The following PCDHGA2 variants were observed in gnomAD, a reference collection of about 807,000 sequenced individuals.
PCDHGA2 encodes protocadherin gamma subfamily A, 2.
Under a neutral mutation model 59.2 loss-of-function variants are expected in PCDHGA2, and 40 were observed. That is an observed-to-expected ratio of 0.68 (90% CI 0.52 to 0.88). The LOEUF is 0.88. Ranked by LOEUF, PCDHGA2 falls within the 40% of genes least tolerant of loss-of-function variation. PCDHGA2 has a pLI of 0.00. For missense variants in PCDHGA2, 1,226 were observed against 1,204.0 expected, an observed-to-expected ratio of 1.02 and a Z score of -0.27; for synonymous variants, 560 against 526.0, an observed-to-expected ratio of 1.06 and a Z score of -0.89.
chr5:141,510,209 G>T (rs1294961681), intron 3 of PCDHGA2, among the ~76,000 whole-genome samples: 12 of 151,440 alleles, frequency 7.9e-5, no homozygotes, highest in African/African-American at 2.9e-4. Flanking sequence ...GGAGGCAGAG[G>T]TTGCAGTGAG....
chr5:141,382,013 G>A (rs1000379234), intron 1 of PCDHGA2, among the ~76,000 whole-genome samples: 1 of 151,580 alleles, frequency 6.6e-6, no homozygotes, highest in Non-Finnish European at 1.5e-5. Context: ...ATTTTTAGTA[G>A]AGACGGGGTT....
chr5:141,364,966 C>T (rs1325168008), intron 1 of PCDHGA2: 1 of 1,613,938 alleles, frequency 6.2e-7, no homozygotes, highest in South Asian at 1.1e-5. Context: ...ACCTCCTCCT[C>T]ACAGCTTTAG....
At chr5:141,344,751 C>G in intron 1 of PCDHGA2, 1 of 1,614,020 alleles carries the variant, frequency 6.2e-7, no homozygotes, top group South Asian at 1.1e-5. Flanking sequence ...TGACAACCCA[C>G]CAATGTTTAC....
In PCDHGA2 at chr5:141,415,715, T is replaced by G. The variant is rs1051923200; in HGVS notation, c.2424+74320T>G. 4 of 1,428,132 alleles carry G rather than the reference T, an allele frequency of 2.8e-6. No individual in the cohort carries two copies. In the African/African-American group the frequency reaches 4.5e-5, roughly 16 times the overall value. The allele number at this position is 1,428,132 out of a possible 1,614,324, so 88.5% of individuals were successfully genotyped here. Reference sequence around the variant, plus strand: ...GAAAGTGTAAATGCTAAAACACTGATGAGTAGAATTTGATGTTTATTAAGG... The same window carrying G: ...GAAAGTGTAAATGCTAAAACACTGAGGAGTAGAATTTGATGTTTATTAAGG... On this transcript the variant is annotated intron_variant, in intron 1 of 3. Transcript: ENST00000394576.
chr5:141,361,662 G>T, intron 1 of PCDHGA2: 1 of 1,613,714 alleles, frequency 6.2e-7, no homozygotes, highest in South Asian at 1.1e-5. Context: ...CCGTGAGCGC[G>T]CAGAGCGGGG....
In PCDHGA2 at chr5:141,472,980, C is replaced by CAAAA. The variant is rs60579131; in HGVS notation, c.2425-21813_2425-21810dup. ...CAGCCTGGGGAACAAGAGTGAAACT[C>CAAAA]AAAAAAAAAAAAAAAAAGAAAGAAA... On this transcript the variant is annotated intron_variant, in intron 1 of 3. Transcript: ENST00000394576. 5.5e-3 allele frequency among the ~76,000 whole-genome samples: 472 copies of CAAAA among 85,978 alleles called. 4 individuals carry two copies. The highest frequency in any genetic ancestry group is 0.013 in the Admixed American group (104 of 8,158). The allele number at this position is 85,978 out of a possible 152,430, so 56.4% of individuals were successfully genotyped here. A position where few individuals can be genotyped will look rare whatever the true frequency, so the allele number is the denominator to read the frequency against.
Position 141,431,758 on chromosome 5 carries a change from C to T in PCDHGA2, c.2425-63049C>T. Reference sequence around the variant, plus strand: ...CAGGATATTCTGCGCGAGCCAAAGTCCTGATCACTGTTCTGGACGTGAACG... The same window carrying T: ...CAGGATATTCTGCGCGAGCCAAAGTTCTGATCACTGTTCTGGACGTGAACG... On this transcript the variant is annotated intron_variant, in intron 1 of 3. Transcript: ENST00000394576. This position sits in a 1 kb window ranked among gnomAD's most constrained non-coding sequence, Gnocchi z 4.8. 1.9e-6 allele frequency: 3 copies of T among 1,614,172 alleles called. No homozygotes were observed. The highest frequency in any genetic ancestry group is 1.7e-6 in the Non-Finnish European group (2 of 1,180,020).
intron 1 of PCDHGA2, chr5:141,355,809 G>A: frequency 6.2e-7 from 1 of 1,613,206 alleles, no homozygotes; most frequent in South Asian, 1.1e-5. Flanking sequence ...TAGATCGCGA[G>A]GAAGAGGCGG....
At chr5:141,383,748 A>T in intron 1 of PCDHGA2, 1 of 1,613,970 alleles carries the variant, frequency 6.2e-7, no homozygotes, top group Non-Finnish European at 8.5e-7. Context: ...CTTTTCGGAA[A>T]ATAACTCCTA....
Position 141,491,075 on chromosome 5 carries a change from A to G in PCDHGA2, c.2425-3732A>G, listed in dbSNP as rs147291399. ...TGGCTCTCCTACTCACTGTTGCCAC[A>G]GTCCACAGCCCCAGGACTGTTCCTC... is the stretch of plus-strand genomic sequence containing the variant. On this transcript the variant is annotated intron_variant, in intron 1 of 3. Coordinates refer to ENST00000394576, the MANE Select transcript of PCDHGA2 (RefSeq NM_018915.4). This position sits in a 1 kb window ranked among gnomAD's most constrained non-coding sequence, Gnocchi z 6.9. 1.2e-6 allele frequency: 2 copies of G among 1,614,080 alleles called. No individual in the cohort carries two copies. Among genetic ancestry groups the G allele is most frequent in the Non-Finnish European group, 8.5e-7 (1 of 1,180,042 alleles).
At chr5:141,357,138 C>T (rs999487031) in intron 1 of PCDHGA2, 4 of 1,613,416 alleles carry the variant, frequency 2.5e-6, no homozygotes, top group Admixed American at 3.3e-5. Flanking sequence ...TAGTGGTCGT[C>T]CAGGACCATG....
chr5:141,432,126 C>T lies in PCDHGA2; in HGVS notation c.2425-62681C>T. ...AACCCGCCGGTCTTCCCTCAGGCCTCCTATTCCGCTTATATCCCAGAGAAC... is the reference window on the plus strand; with the variant it reads ...AACCCGCCGGTCTTCCCTCAGGCCTTCTATTCCGCTTATATCCCAGAGAAC... On this transcript the variant is annotated intron_variant, in intron 1 of 3. Coordinates refer to ENST00000394576, the MANE Select transcript of PCDHGA2 (RefSeq NM_018915.4). This position sits in a 1 kb window ranked among gnomAD's most constrained non-coding sequence, Gnocchi z 6.0. The T allele has an allele frequency of 1.2e-6, 2 of 1,614,144 alleles. No homozygotes were observed. Among genetic ancestry groups the T allele is most frequent in the Non-Finnish European group, 1.7e-6 (2 of 1,180,028 alleles).
At chr5:141,347,642 C>T (rs557140762) in intron 1 of PCDHGA2, among the ~76,000 whole-genome samples, 15 of 152,128 alleles carry the variant, frequency 9.9e-5, no homozygotes, top group African/African-American at 3.6e-4. Flanking sequence ...CAAAAATTAG[C>T]TGGGCATGGT....
At position 141,490,219 on chromosome 5, in the gene PCDHGA2, C is replaced by T. The variant is rs771985398; in HGVS notation, c.2425-4588C>T. 2.5e-5 allele frequency: 41 copies of T among 1,614,094 alleles called. No individual in the cohort carries two copies. The highest frequency in any genetic ancestry group is 3.3e-5 in the Non-Finnish European group (39 of 1,180,038). On this transcript the variant is annotated intron_variant, in intron 1 of 3. Coordinates refer to ENST00000394576, the MANE Select transcript of PCDHGA2 (RefSeq NM_018915.4). This position sits in a 1 kb window ranked among gnomAD's most constrained non-coding sequence, Gnocchi z 5.4. ...TCATGCAAGAGCCCGTGACCAGGGA[C>T]AGCCTGCCATGGAGGGCCACTGTGT... is the stretch of plus-strand genomic sequence containing the variant.
At chr5:141,410,100 G>A in intron 1 of PCDHGA2, 1 of 1,612,736 alleles carries the variant, frequency 6.2e-7, no homozygotes, top group Non-Finnish European at 8.5e-7. Context: ...CGAGCCTTAG[G>A]CGACAGGGAC....
chr5:141,384,771 C>T (rs568102289), intron 1 of PCDHGA2: 36 of 1,613,878 alleles, frequency 2.2e-5, no homozygotes, highest in Admixed American at 1.7e-4. Context: ...TGTACACGGG[C>T]GAGGTGCGCA....
intron 1 of PCDHGA2, chr5:141,364,607 G>C (rs775025025): frequency 1.9e-6 from 3 of 1,614,080 alleles, no homozygotes; most frequent in African/African-American, 2.7e-5. Flanking sequence ...GATAGACCGG[G>C]AGGAGCTCTG....
At position 141,489,078 on chromosome 5, in the gene PCDHGA2, G is replaced by A. The variant is rs990356560; in HGVS notation, c.2425-5729G>A. ...GCTCCCCTCCCCCCTGCCCACCCCC[G>A]CCACTCGGTGACTAAGAACTGCTGC... On this transcript the variant is annotated intron_variant, in intron 1 of 3. Transcript: ENST00000394576. The surrounding 1 kb of genome is among the most constrained non-coding windows in gnomAD (Gnocchi z 4.5). 6.9e-5 allele frequency: 11 copies of A among 160,224 alleles called. 1 individual carries two copies. Among genetic ancestry groups the A allele is most frequent in the Admixed American group, 3.7e-4 (4 of 10,708 alleles). The allele number at this position is 160,224 out of a possible 1,614,324, so 9.9% of individuals were successfully genotyped here.
intron 1 of PCDHGA2, chr5:141,414,488 C>T (rs755499269): frequency 2.5e-6 from 4 of 1,613,914 alleles, no homozygotes; most frequent in African/African-American, 2.7e-5. Flanking sequence ...CCTCTATCAA[C>T]GGAAGCTCAC....
Sources: allele counts gnomAD v4.1 joint callset (sites outside exome capture counted in the v4.1 genomes callset), GRCh38; gene constraint gnomAD v4.1.1; non-coding constraint Gnocchi (gnomAD v3.1); transcripts MANE v1.5; gene names NCBI Gene and HGNC (gene_info 2026-07-23, HGNC 2026-07-21).